The following SNX18 variants were observed in gnomAD, a reference collection of about 807,000 sequenced individuals.
SNX18 encodes sorting nexin-18.
A neutral mutation model predicts 48.7 loss-of-function variants in SNX18; 35 were observed. The ratio of observed to expected loss-of-function variants is 0.72; its 90% CI spans 0.55 to 0.95. SNX18 has a LOEUF of 0.95. Among genes scored for constraint, SNX18 ranks in the 40% least tolerant of loss-of-function variants. SNX18 has a pLI of 0.00. For missense variants in SNX18, 824 were observed against 871.0 expected (o/e 0.95, Z 0.68); for synonymous variants, 492 against 384.7 (o/e 1.28, Z -3.26).
chr5:54,577,001 A>G, the SNX18 span, among the ~76,000 whole-genome samples: 1 of 152,088 alleles, frequency 6.6e-6, no homozygotes, highest in African/African-American at 2.4e-5. Flanking sequence ...GGGTTTCACC[A>G]TGTTGGCCAG....
At chr5:54,567,344 T>C in the SNX18 span, among the ~76,000 whole-genome samples, 1 of 151,346 alleles carries the variant, frequency 6.6e-6, no homozygotes, top group African/African-American at 2.4e-5. Context: ...CCAGGAAAGG[T>C]TGGTGAGAGG....
the SNX18 span, among the ~76,000 whole-genome samples, chr5:54,643,055 T>C: frequency 6.6e-6 from 1 of 152,150 alleles, no homozygotes; most frequent in South Asian, 2.1e-4. Flanking sequence ...TGATCTCTAT[T>C]TTAACATTAA....
chr5:54,599,649 T>C, the SNX18 span, among the ~76,000 whole-genome samples: 1 of 151,950 alleles, frequency 6.6e-6, no homozygotes, highest in Non-Finnish European at 1.5e-5. Flanking sequence ...CATAGACCAA[T>C]GAAACAGAAT....
chr5:54,548,415 G>A (rs1256599699), downstream of SNX18, among the ~76,000 whole-genome samples: 1 of 152,164 alleles, frequency 6.6e-6, no homozygotes, highest in Non-Finnish European at 1.5e-5. Flanking sequence ...TCCAGGAAAT[G>A]GCTCTCAGGA....
chr5:54,520,771 A>G (rs79138019), intron 1 of SNX18: 1,674 of 167,080 alleles, frequency 0.01, 32 homozygotes, highest in African/African-American at 0.039. Flanking sequence ...CCCCTTCCAA[A>G]TGCGTGACTG....
At chr5:54,554,064 A>G in the SNX18 span, among the ~76,000 whole-genome samples, 1 of 152,216 alleles carries the variant, frequency 6.6e-6, no homozygotes, top group South Asian at 2.1e-4. Context: ...CCTGCTCACC[A>G]GGGCTCTGCT....
At chr5:54,564,373 T>C in the SNX18 span, among the ~76,000 whole-genome samples, 22 of 152,354 alleles carry the variant, frequency 1.4e-4, no homozygotes, top group Non-Finnish European at 2.6e-4. Context: ...TCTATTTCCT[T>C]ATAATTGAAC....
At chr5:54,615,863 T>G in the SNX18 span, among the ~76,000 whole-genome samples, 2 of 152,210 alleles carry the variant, frequency 1.3e-5, no homozygotes, top group Non-Finnish European at 2.9e-5. Flanking sequence ...TTGATTAACA[T>G]GATGAAAGTT....
At chr5:54,540,211 C>CTTTT (rs58582682) in intron 1 of SNX18, among the ~76,000 whole-genome samples, 1 of 139,648 alleles carries the variant, frequency 7.2e-6, no homozygotes. Flanking sequence ...TAGACTTGTT[C>CTTTT]TTTTTTTTTT....
At chr5:54,560,450 A>G in the SNX18 span, among the ~76,000 whole-genome samples, 1 of 152,172 alleles carries the variant, frequency 6.6e-6, no homozygotes, top group African/African-American at 2.4e-5. Flanking sequence ...ATAGAGGAGA[A>G]CAACACACAC....
the SNX18 span, among the ~76,000 whole-genome samples, chr5:54,618,217 T>C: frequency 6.6e-6 from 1 of 152,202 alleles, no homozygotes; most frequent in Non-Finnish European, 1.5e-5. Context: ...TGAAGAAGGA[T>C]GTGTTTGCTT....
chr5:54,557,551 T>C, the SNX18 span, among the ~76,000 whole-genome samples: 6 of 152,324 alleles, frequency 3.9e-5, no homozygotes, highest in African/African-American at 1.4e-4. Context: ...ATTCCACTTA[T>C]ATGAGGTGCC....
At chr5:54,643,736 C>A in the SNX18 span, 1 of 152,202 alleles carries the variant, frequency 6.6e-6, no homozygotes, top group Non-Finnish European at 1.5e-5. Flanking sequence ...CACGTCATGA[C>A]TCAGGAAATG....
the SNX18 span, among the ~76,000 whole-genome samples, chr5:54,559,385 A>G: frequency 1.3e-5 from 2 of 152,180 alleles, no homozygotes; most frequent in Non-Finnish European, 2.9e-5. Flanking sequence ...TATATAGACC[A>G]ATGGAATAGA....
chr5:54,582,794 C>T, the SNX18 span, among the ~76,000 whole-genome samples: 210 of 151,520 alleles, frequency 1.4e-3, 1 homozygote, highest in African/African-American at 4.7e-3. Flanking sequence ...AGAATCTGTT[C>T]GGAATTGAAA....
chr5:54,590,833 C>G, the SNX18 span, among the ~76,000 whole-genome samples: 1 of 152,164 alleles, frequency 6.6e-6, no homozygotes, highest in Non-Finnish European at 1.5e-5. Context: ...TCCCTAGATC[C>G]TGAGCTCCAT....
At chr5:54,570,361 G>A in the SNX18 span, among the ~76,000 whole-genome samples, 4 of 152,186 alleles carry the variant, frequency 2.6e-5, no homozygotes, top group Admixed American at 2.0e-4. Context: ...ATAACAGTAT[G>A]TATATCTGTT....
chr5:54,586,566 A>G, the SNX18 span, among the ~76,000 whole-genome samples: 1 of 152,244 alleles, frequency 6.6e-6, no homozygotes, highest in Admixed American at 6.5e-5. Context: ...CGTGCAAGAC[A>G]CGGATTAAAT....
At chr5:54,559,961 C>A in the SNX18 span, among the ~76,000 whole-genome samples, 1 of 152,132 alleles carries the variant, frequency 6.6e-6, no homozygotes, top group African/African-American at 2.4e-5. Flanking sequence ...AAAAAAAGCT[C>A]ATCATCACTG....
Sources: allele counts gnomAD v4.1 joint callset (sites outside exome capture counted in the v4.1 genomes callset), GRCh38; gene constraint gnomAD v4.1.1; transcripts MANE v1.5; gene names NCBI Gene and HGNC (gene_info 2026-07-23, HGNC 2026-07-21).